The following BTBD8 variants were observed in gnomAD, a reference collection of about 807,000 sequenced individuals.
The protein encoded by BTBD8 is BTB domain containing 8.
Under a neutral mutation model 162.9 loss-of-function variants are expected in BTBD8, and 110 were observed. That is an observed-to-expected ratio of 0.68 (90% CI 0.58 to 0.79). The LOEUF (loss-of-function observed/expected upper bound fraction) is 0.79, where lower values mean the gene tolerates loss of function less well. Ranked by LOEUF, BTBD8 falls within the 30% of genes least tolerant of loss-of-function variation. BTBD8 has a pLI of 0.00. For synonymous variants in BTBD8, 667 were observed against 716.1 expected (o/e 0.93, Z 1.10); for missense variants, 1,905 against 2,085.4 (o/e 0.91, Z 1.68).
At chr1:92,178,225 G>T in intron 15 of BTBD8, 87 bp from the exon 16 acceptor site, 1 of 1,022,700 alleles carries the variant, frequency 9.8e-7, no homozygotes, top group Non-Finnish European at 1.4e-6. Flanking sequence ...TTTATTTCTT[G>T]AAAAAAACTG....
In BTBD8 at chr1:92,104,055, G is replaced by A. The variant is rs1193821716; in HGVS notation, c.544+1386G>A. ...CAGGTGCATGGCTCAGTTCAGCTGA[G>A]TGCAGCTTTCTGCAATAACCTGGTG... On this transcript the variant is annotated intron_variant, in intron 3 of 17. Transcript: ENST00000636805. Among the ~76,000 whole-genome samples, 6 of 152,326 alleles carry A rather than the reference G, an allele frequency of 3.9e-5. No homozygotes were observed. In the South Asian group the frequency reaches 6.2e-4, roughly 16 times the overall value.
rs1471838325 is a variant in BTBD8, at chr1:92,167,048, A to G, written c.1213A>G (p.Met405Val). The change falls in exon 10 of 18, where the codon ATG becomes GTG. Residue 405 changes from methionine (M) to valine (V), a missense_variant. By Grantham distance (21) the Met-to-Val change is conservative. Around this residue, in one of 3 missense-constraint regions of BTBD8, gnomAD observed 1,374 missense variants for 1,442.7 expected, o/e 0.95. Transcript: ENST00000636805. ...RVKWTEAALT[M>V]ASQLQEKCIA... ...GAAGTGGACGGAAGCAGCACTGACCATGGCGTCTCAGCTTCAAGAAAAATG... is the reference window on the plus strand; with the variant it reads ...GAAGTGGACGGAAGCAGCACTGACCGTGGCGTCTCAGCTTCAAGAAAAATG... 14 of 1,550,680 alleles carry G rather than the reference A, an allele frequency of 9.0e-6. No individual in the cohort carries two copies. The highest frequency in any genetic ancestry group is 7.3e-5 in the East Asian group (3 of 40,922).
chr1:92,170,669 T>C (rs1157559274), intron 12 of BTBD8, among the ~76,000 whole-genome samples: 1 of 152,130 alleles, frequency 6.6e-6, no homozygotes, highest in Non-Finnish European at 1.5e-5. Context: ...CTTCAAAATA[T>C]GTCTTAAATC....
chr1:92,104,012 T>C (rs537507245), intron 3 of BTBD8, among the ~76,000 whole-genome samples: 4 of 152,306 alleles, frequency 2.6e-5, no homozygotes, highest in Non-Finnish European at 5.9e-5. Context: ...CTGGTAGATA[T>C]TTAGGTGTGC....
intron 4 of BTBD8, among the ~76,000 whole-genome samples, chr1:92,117,182 C>T (rs1238615399): frequency 1.3e-5 from 2 of 151,856 alleles, no homozygotes; most frequent in Non-Finnish European, 2.9e-5. Flanking sequence ...TCCATCTTCT[C>T]TTGTCATTTC....
chr1:92,102,784 A>G lies in BTBD8; in HGVS notation c.544+115A>G, dbSNP rs1648625947. On this transcript the variant is annotated intron_variant, in intron 3 of 17. Transcript: ENST00000636805. ...TTTACTGATTTTTTTTTTAATAAGC[A>G]TGGAGAACTGAAAACACTAGTATTG... is the stretch of plus-strand genomic sequence containing the variant. The G allele has an allele frequency of 1.4e-5, 14 of 998,978 alleles. No individual in the cohort carries two copies. In the South Asian group the frequency reaches 3.9e-4, roughly 28 times the overall value. The allele number at this position is 998,978 out of a possible 1,614,324, so 61.9% of individuals were successfully genotyped here. A position where few individuals can be genotyped will look rare whatever the true frequency, so the allele number is the denominator to read the frequency against.
rs1039934985 is a variant in BTBD8 at position 92,102,557 on chromosome 1, A to G, written c.432A>G (p.Gln144=). 1 of 1,597,192 alleles carries G rather than the reference A, an allele frequency of 6.3e-7. No individual in the cohort carries two copies. Among genetic ancestry groups the G allele is most frequent in the Non-Finnish European group, 8.5e-7 (1 of 1,171,714 alleles). ...AGATAATGGAGATTGGGATATCACA[A>G]AAGCAACTTGACATCAGTTTTCCAA... ...RKKIMEIGIS[Q]KQLDISFPKC... The change falls in exon 3 of 18, where the codon CAA becomes CAG. Residue 144 remains glutamine, a synonymous_variant. Transcript: ENST00000636805.
At chr1:92,117,756 C>CAGCTA (rs904979236) in intron 4 of BTBD8, among the ~76,000 whole-genome samples, 1 of 152,040 alleles carries the variant, frequency 6.6e-6, no homozygotes, top group African/African-American at 2.4e-5. Context: ...CTCCTCAGCT[C>CAGCTA]AGCTAAGCCA....
intron 4 of BTBD8, 76 bp downstream of exon 4, chr1:92,108,077 G>A (rs1466826634): frequency 9.5e-6 from 13 of 1,374,684 alleles, no homozygotes; most frequent in African/African-American, 1.4e-5. Context: ...TTACCAGCAC[G>A]GTGGTTTTCA....
intron 4 of BTBD8, among the ~76,000 whole-genome samples, chr1:92,129,141 A>G (rs957484131): frequency 5.9e-5 from 9 of 152,042 alleles, no homozygotes; most frequent in African/African-American, 2.2e-4. Context: ...TTATGTTTTT[A>G]TAAGCTTAAA....
intron 9 of BTBD8, among the ~76,000 whole-genome samples, chr1:92,149,371 C>T (rs1324074396): frequency 6.6e-6 from 1 of 152,136 alleles, no homozygotes; most frequent in Non-Finnish European, 1.5e-5. Context: ...CATATCCCCT[C>T]TTTTAGAAGG....
At chr1:92,103,125 T>C (rs1026480444) in intron 3 of BTBD8, among the ~76,000 whole-genome samples, 3 of 152,204 alleles carry the variant, frequency 2.0e-5, no homozygotes, top group Admixed American at 2.0e-4. Flanking sequence ...TATTGCAAAT[T>C]GATGGAATGA....
intron 7 of BTBD8, among the ~76,000 whole-genome samples, chr1:92,141,456 A>G (rs1027879555): frequency 1.7e-4 from 26 of 152,194 alleles, no homozygotes; most frequent in African/African-American, 6.0e-4. Context: ...TATCCTGTAT[A>G]ATTCAAAGGT....
At chr1:92,142,531 CT>C (rs1273837010) in intron 7 of BTBD8, among the ~76,000 whole-genome samples, 2 of 152,160 alleles carry the variant, frequency 1.3e-5, no homozygotes, top group Non-Finnish European at 2.9e-5. Flanking sequence ...AGAAGGCTTG[CT>C]GGAGAAGCCA....
At chr1:92,126,703 T>C (rs1206781612) in intron 4 of BTBD8, among the ~76,000 whole-genome samples, 1 of 152,218 alleles carries the variant, frequency 6.6e-6, no homozygotes, top group Non-Finnish European at 1.5e-5. Context: ...TTTTGGGCAA[T>C]GTTAGCATTC....
chr1:92,133,599 C>T lies in BTBD8; in HGVS notation c.752+3823C>T, dbSNP rs544555983. ...ATATTTTTAGTGAGTTAGTAATTCA[C>T]CAGATACTGAGAACATAATGCACAT... is the stretch of plus-strand genomic sequence containing the variant. On this transcript the variant is annotated intron_variant, in intron 5 of 17. Transcript: ENST00000636805. Among the ~76,000 whole-genome samples, 13 of 152,296 alleles carry T rather than the reference C, an allele frequency of 8.5e-5. No homozygotes were observed. The South Asian group carries it at 2.7e-3, about 32-fold the overall frequency.
intron 4 of BTBD8, 27 bp from the exon 5 acceptor site, chr1:92,129,660 T>A: frequency 6.5e-7 from 1 of 1,531,574 alleles, no homozygotes; most frequent in Non-Finnish European, 9.0e-7. Context: ...AATGTTTACC[T>A]GTGTTTCTCC....
chr1:92,171,392 T>C lies in BTBD8; in HGVS notation c.1574-7T>C. On this transcript the variant is annotated splice_region_variant and splice_polypyrimidine_tract_variant and intron_variant, in intron 12 of 17. Transcript: ENST00000636805. ...TTATAAAAACAAATTGCTGTTTCTT[T>C]CTACAGCTGCATTTGACAAAGGTGA... 2 of 1,539,658 alleles carry C rather than the reference T, an allele frequency of 1.3e-6. No homozygotes were observed. Among genetic ancestry groups the C allele is most frequent in the Non-Finnish European group, 1.8e-6 (2 of 1,140,622 alleles).
chr1:92,134,436 A>C (rs770892492), intron 5 of BTBD8, among the ~76,000 whole-genome samples: 5 of 152,184 alleles, frequency 3.3e-5, no homozygotes, highest in African/African-American at 4.8e-5. Context: ...TCTTTCCTCC[A>C]ATAAGTTCAT....
Sources: allele counts gnomAD v4.1 joint callset (sites outside exome capture counted in the v4.1 genomes callset), GRCh38; gene constraint gnomAD v4.1.1; regional missense constraint gnomAD v4.1.1; transcripts MANE v1.5; gene names NCBI Gene and HGNC (gene_info 2026-07-23, HGNC 2026-07-21).